RAB22A: variants seen among roughly 807,000 people sequenced by gnomAD.
RAB22A encodes the protein RAB22A, member RAS oncogene family, also known as ras-related protein Rab-22A.
Under a neutral mutation model 30.2 loss-of-function variants are expected in RAB22A, and 13 were observed. That is an observed-to-expected ratio of 0.43 (90% CI 0.28 to 0.68). The LOEUF is 0.68. Ranked by LOEUF, RAB22A falls within the 30% of genes least tolerant of loss-of-function variation. The pLI is 0.18. For missense variants in RAB22A, 177 were observed against 246.8 expected (o/e 0.72, Z 1.89); for synonymous variants, 89 against 87.2 (o/e 1.02, Z -0.11).
chr20:58,358,806 A>T (rs1987176115), intron 6 of RAB22A, among the ~76,000 whole-genome samples: 1 of 151,940 alleles, frequency 6.6e-6, no homozygotes, highest in Admixed American at 6.6e-5. Context: ...GAGGTGGGAG[A>T]ATCGCTTGAA....
At chr20:58,336,470 A>G (rs2122951184) in intron 2 of RAB22A, among the ~76,000 whole-genome samples, 1 of 152,332 alleles carries the variant, frequency 6.6e-6, no homozygotes, top group African/African-American at 2.4e-5. Context: ...CCTTAAAAGT[A>G]GAGACTTTAA....
intron 2 of RAB22A, among the ~76,000 whole-genome samples, chr20:58,330,815 T>C (rs963895129): frequency 6.6e-6 from 1 of 152,222 alleles, no homozygotes; most frequent in Middle Eastern, 3.2e-3. Context: ...TGGAAACAAC[T>C]GAAATCTCTG....
chr20:58,314,735 G>A (rs532143284), intron 2 of RAB22A, among the ~76,000 whole-genome samples: 137 of 152,216 alleles, frequency 9.0e-4, no homozygotes, highest in African/African-American at 3.3e-3. Context: ...CAGCTACTTG[G>A]GAGGCTGAGA....
intron 3 of RAB22A, 83 bp downstream of exon 3, chr20:58,343,882 C>A: frequency 9.2e-7 from 1 of 1,084,882 alleles, no homozygotes; most frequent in Non-Finnish European, 1.4e-6. Flanking sequence ...TGTCATCTCA[C>A]GTTACTCACT....
At chr20:58,333,125 C>G (rs1021635368) in intron 2 of RAB22A, among the ~76,000 whole-genome samples, 1 of 151,748 alleles carries the variant, frequency 6.6e-6, no homozygotes, top group Non-Finnish European at 1.5e-5. Flanking sequence ...ACTAAAAATA[C>G]AAAAATTAGC....
At chr20:58,352,188 T>C (rs1392899582) in intron 3 of RAB22A, among the ~76,000 whole-genome samples, 3 of 152,172 alleles carry the variant, frequency 2.0e-5, no homozygotes, top group African/African-American at 7.2e-5. Flanking sequence ...ATTTGATAAA[T>C]TTTAAATTTA....
Position 58,362,150 on chromosome 20 carries a change from C to T in RAB22A, c.*2447C>T, listed in dbSNP as rs950848214. The T allele has an allele frequency of 2.6e-5, 4 of 152,148 alleles. No homozygotes were observed. Among genetic ancestry groups the T allele is most frequent in the African/African-American group, 7.2e-5 (3 of 41,434 alleles). The allele number at this position is 152,148 out of a possible 1,614,324, so 9.4% of individuals were successfully genotyped here. Reference sequence around the variant, plus strand: ...AAGAACTTGACTCGGCACTGTTTCTCGTGTAATATCCTTCTAATGCTTAGC... The same window carrying T: ...AAGAACTTGACTCGGCACTGTTTCTTGTGTAATATCCTTCTAATGCTTAGC... On this transcript the variant is annotated 3_prime_UTR_variant, in exon 7 of 7. Transcript: ENST00000244040.
rs978523263 is a variant in RAB22A at position 58,365,380 on chromosome 20, C to A, written c.*5677C>A. 1.3e-5 allele frequency: 2 copies of A among 152,178 alleles called. No homozygotes were observed. The highest frequency in any genetic ancestry group is 4.8e-5 in the African/African-American group (2 of 41,432). 9.4% of individuals were successfully genotyped at this position (152,178 alleles called of 1,614,324 possible). ...GCATGAGTAGTCCCTGTGCCCATGC[C>A]CATGGTGGTGCTTGACTTTGCTTTG... On this transcript the variant is annotated 3_prime_UTR_variant, in exon 7 of 7. Transcript: ENST00000244040.
chr20:58,338,458 A>G (rs1260401790), intron 2 of RAB22A, among the ~76,000 whole-genome samples: 2 of 152,128 alleles, frequency 1.3e-5, no homozygotes, highest in African/African-American at 4.8e-5. Flanking sequence ...GTTGTGCACC[A>G]CTCTGCTTTA....
At position 58,309,900 on chromosome 20, in the gene RAB22A, G is replaced by T; in HGVS notation, c.-77G>T. 8.1e-7 allele frequency: 1 copy of T among 1,228,214 alleles called. No individual in the cohort carries two copies. Among genetic ancestry groups the T allele is most frequent in the South Asian group, 4.0e-5 (1 of 25,022 alleles). The allele number at this position is 1,228,214 out of a possible 1,614,324, so 76.1% of individuals were successfully genotyped here. A position where few individuals can be genotyped will look rare whatever the true frequency, so the allele number is the denominator to read the frequency against. ...GGCCGTGCGGCGGCAGCGGCGCCAG[G>T]GGATGCTCTTGCTGGGCCTGGCCTC... On this transcript the variant is annotated 5_prime_UTR_variant, in exon 1 of 7. Transcript: ENST00000244040.
intron 2 of RAB22A, among the ~76,000 whole-genome samples, chr20:58,336,200 TG>T (rs1283335683): frequency 6.6e-6 from 1 of 152,008 alleles, no homozygotes; most frequent in African/African-American, 2.4e-5. Context: ...TTAGTAGAGA[TG>T]GGGTTTCACC....
At chr20:58,317,415 CTCTGA>C (rs1568864012) in intron 2 of RAB22A, among the ~76,000 whole-genome samples, 1 of 151,756 alleles carries the variant, frequency 6.6e-6, no homozygotes, top group Non-Finnish European at 1.5e-5. Context: ...GCAGTTTAGT[CTCTGA>C]TCTGTTTCTT....
intron 2 of RAB22A, among the ~76,000 whole-genome samples, chr20:58,311,673 A>G (rs1986228344): frequency 1.3e-5 from 2 of 152,234 alleles, no homozygotes; most frequent in Non-Finnish European, 1.5e-5. Context: ...TCATTTTGCA[A>G]TACTAATCCT....
intron 2 of RAB22A, among the ~76,000 whole-genome samples, chr20:58,343,512 G>A (rs1001389146): frequency 8.6e-5 from 13 of 151,892 alleles, no homozygotes; most frequent in African/African-American, 2.7e-4. Flanking sequence ...TCTTGGTGTC[G>A]GGCAGATGTG....
At chr20:58,328,495 C>T (rs1986606849) in intron 2 of RAB22A, among the ~76,000 whole-genome samples, 2 of 152,112 alleles carry the variant, frequency 1.3e-5, no homozygotes, top group Admixed American at 6.5e-5. Context: ...TTATATTGTA[C>T]TTGCAACTTT....
chr20:58,336,794 A>G (rs1338222545), intron 2 of RAB22A, among the ~76,000 whole-genome samples: 3 of 152,172 alleles, frequency 2.0e-5, no homozygotes, highest in African/African-American at 4.8e-5. Flanking sequence ...TCTGGCTTAC[A>G]AGGAACAGGG....
chr20:58,321,342 T>C (rs1477126687), intron 2 of RAB22A, among the ~76,000 whole-genome samples: 1 of 152,010 alleles, frequency 6.6e-6, no homozygotes, highest in Non-Finnish European at 1.5e-5. Flanking sequence ...CCTGCCTGAA[T>C]GACAGAGTGA....
At chr20:58,320,419 G>A (rs1309445332) in intron 2 of RAB22A, among the ~76,000 whole-genome samples, 1 of 151,914 alleles carries the variant, frequency 6.6e-6, no homozygotes, top group African/African-American at 2.4e-5. Flanking sequence ...TCCTTTTAAT[G>A]TTTTGGGATC....
chr20:58,359,392 T>G (rs192906230), intron 6 of RAB22A, among the ~76,000 whole-genome samples: 1 of 152,252 alleles, frequency 6.6e-6, no homozygotes, highest in East Asian at 1.9e-4. Flanking sequence ...CATGGTAATA[T>G]GTCAGCACTG....
Sources: allele counts gnomAD v4.1 joint callset (sites outside exome capture counted in the v4.1 genomes callset), GRCh38; gene constraint gnomAD v4.1.1; transcripts MANE v1.5; gene names NCBI Gene and HGNC (gene_info 2026-07-23, HGNC 2026-07-21).